The following NRDE2 variants were observed in gnomAD, a reference collection of about 807,000 sequenced individuals.
The protein encoded by NRDE2 is nuclear exosome regulator NRDE2.
Under a neutral mutation model 124.2 loss-of-function variants are expected in NRDE2, and 76 were observed. The observed-to-expected ratio is 0.61, with a 90% CI of 0.51 to 0.74. NRDE2 has a LOEUF of 0.74. Ranked by LOEUF, NRDE2 falls within the 30% of genes least tolerant of loss-of-function variation. The probability of loss-of-function intolerance (pLI) is 0.00; values close to 1 mark genes in which losing one functional copy is unlikely to be tolerated. For missense variants in NRDE2, 1,314 were observed against 1,417.3 expected (o/e 0.93, Z 1.17); for synonymous variants, 489 against 528.1 (o/e 0.93, Z 1.01).
At chr14:90,283,009 T>C (rs1337251982) in intron 12 of NRDE2, among the ~76,000 whole-genome samples, 1 of 152,222 alleles carries the variant, frequency 6.6e-6, no homozygotes, top group Non-Finnish European at 1.5e-5. Context: ...TATATGCACA[T>C]GTACACAAAA....
rs1242307586 is a variant in NRDE2, at chr14:90,327,565, A to G, written c.64+4276T>C. Reference sequence around the variant, plus strand: ...CCTCATTTCTAAAAAAAGAAAAAAAAAAAAAGCCTACCTGCAATGGATTGA... The same window carrying G: ...CCTCATTTCTAAAAAAAGAAAAAAAGAAAAAGCCTACCTGCAATGGATTGA... On this transcript the variant is annotated intron_variant, in intron 1 of 13. Coordinates refer to ENST00000354366, the MANE Select transcript of NRDE2 (RefSeq NM_017970.4). Among the ~76,000 whole-genome samples the G allele has an allele frequency of 3.9e-5, 6 of 152,222 alleles. No homozygotes were observed. The East Asian group carries it at 1.2e-3, about 29-fold the overall frequency.
chr14:90,313,761 A>T (rs1310945481), intron 3 of NRDE2, among the ~76,000 whole-genome samples: 2 of 152,204 alleles, frequency 1.3e-5, no homozygotes, highest in Non-Finnish European at 2.9e-5. Flanking sequence ...GCCCAGGTAC[A>T]AATAAAGATT....
chr14:90,313,266 A>G, intron 3 of NRDE2, among the ~76,000 whole-genome samples: 1 of 151,772 alleles, frequency 6.6e-6, no homozygotes, highest in Non-Finnish European at 1.5e-5. Flanking sequence ...AGCTGGGACT[A>G]CAGGTGCCCA....
At position 90,305,167 on chromosome 14, in the gene NRDE2, C is replaced by A. The variant is rs556793645; in HGVS notation, c.558-785G>T. Among the ~76,000 whole-genome samples the A allele has an allele frequency of 3.5e-3, 518 of 149,866 alleles. 3 individuals carry two copies. The highest frequency in any genetic ancestry group is 0.012 in the African/African-American group (505 of 40,846). On this transcript the variant is annotated intron_variant, in intron 4 of 13. Coordinates refer to ENST00000354366, the MANE Select transcript of NRDE2 (RefSeq NM_017970.4). ...GCCAATAAGCACATAAAAAAAAAAA[C>A]AACTCAACATCCTTAGTCAACAAGG...
intron 12 of NRDE2, among the ~76,000 whole-genome samples, chr14:90,283,912 C>T (rs1462070558): frequency 6.6e-6 from 1 of 152,020 alleles, no homozygotes. Flanking sequence ...GGCGTTTCAC[C>T]GTGTTAGCCA....
At chr14:90,317,401 T>C (rs1419998675) in intron 2 of NRDE2, among the ~76,000 whole-genome samples, 1 of 152,250 alleles carries the variant, frequency 6.6e-6, no homozygotes, top group Non-Finnish European at 1.5e-5. Flanking sequence ...CTCTTCTTCC[T>C]CATTACTGAA....
chr14:90,290,462 T>C lies in NRDE2; in HGVS notation c.1988A>G (p.Glu663Gly), dbSNP rs1566686605. 2 of 1,614,052 alleles carry C rather than the reference T, an allele frequency of 1.2e-6. No individual in the cohort carries two copies. Among genetic ancestry groups the C allele is most frequent in the Non-Finnish European group, 1.7e-6 (2 of 1,180,040 alleles). ...AAGTCCATTATCAAAGATGCTGTTCTCATCCATGGCCAGATAAAGACAGGA... is the reference window on the plus strand; with the variant it reads ...AAGTCCATTATCAAAGATGCTGTTCCCATCCATGGCCAGATAAAGACAGGA... ...PASCLYLAMD[E>G]NSIFDNGLYD... The change falls in exon 10 of 14, where the codon GAG becomes GGG. Residue 663 changes from glutamate (E) to glycine (G), a missense_variant. Glu to Gly is a moderately conservative substitution (Grantham distance 98). Coordinates refer to ENST00000354366, the MANE Select transcript of NRDE2 (RefSeq NM_017970.4).
At chr14:90,330,210 A>T (rs376319500) in intron 1 of NRDE2, among the ~76,000 whole-genome samples, 4 of 116,142 alleles carry the variant, frequency 3.4e-5, no homozygotes, top group Non-Finnish European at 5.7e-5. Flanking sequence ...TGGTCTCAAA[A>T]AAAAAAATAA....
At chr14:90,301,511 A>G (rs1347452896) in intron 6 of NRDE2, 139 bp from the exon 7 acceptor site, 1 of 755,796 alleles carries the variant, frequency 1.3e-6, no homozygotes, top group Non-Finnish European at 2.1e-6. Flanking sequence ...GCTGTGATAC[A>G]TGTCTTGATT....
chr14:90,312,300 GAGAGAAAC>G, intron 4 of NRDE2, 86 bp downstream of exon 4: 1 of 1,191,718 alleles, frequency 8.4e-7, no homozygotes, highest in Non-Finnish European at 1.2e-6. Flanking sequence ...ACTGATGAAA[GAGAGAAAC>G]AGGCAGGCAG....
At chr14:90,331,673 G>A (rs1438658721) in intron 1 of NRDE2, among the ~76,000 whole-genome samples, 168 bp downstream of exon 1, 1 of 152,170 alleles carries the variant, frequency 6.6e-6, no homozygotes, top group African/African-American at 2.4e-5. Context: ...AGGCCTCTGG[G>A]CCCCAGACCT....
At chr14:90,300,924 G>C (rs1487986924) in intron 7 of NRDE2, among the ~76,000 whole-genome samples, 1 of 139,016 alleles carries the variant, frequency 7.2e-6, no homozygotes, top group African/African-American at 2.7e-5. Context: ...GAAAAGGAAA[G>C]GAGGAACACA....
chr14:90,321,561 AAAAAAAAGAAAAG>A (rs971138002), intron 1 of NRDE2, among the ~76,000 whole-genome samples: 2 of 151,548 alleles, frequency 1.3e-5, no homozygotes, highest in East Asian at 1.9e-4. Flanking sequence ...AAAAAAAAAA[AAAAAAAAGAAAAG>A]AAAAAAAGAA....
rs1441989704 is a variant in NRDE2 at position 90,304,147 on chromosome 14, C to T, written c.793G>A (p.Val265Ile). 7 of 1,614,196 alleles carry T rather than the reference C, an allele frequency of 4.3e-6. No individual in the cohort carries two copies. Among genetic ancestry groups the T allele is most frequent in the Non-Finnish European group, 5.9e-6 (7 of 1,180,038 alleles). Residue 265 changes from valine to isoleucine, a missense_variant, in exon 5 of 14, where the codon GTT (valine) becomes ATT (isoleucine). Transcript: ENST00000354366. Reference sequence around the variant, plus strand: ...CCCAGAGGATTCAACCAGGTTGTAACAGGAGCCGCATCTTCCAAGTCCTTC... The same window carrying T: ...CCCAGAGGATTCAACCAGGTTGTAATAGGAGCCGCATCTTCCAAGTCCTTC... ...PVKDLEDAAPVTTWLNPLGIY... is the reference protein window; with the variant it reads ...PVKDLEDAAPITTWLNPLGIY...
chr14:90,330,538 G>A (rs987325059), intron 1 of NRDE2, among the ~76,000 whole-genome samples: 7 of 152,262 alleles, frequency 4.6e-5, no homozygotes, highest in South Asian at 2.1e-4. Flanking sequence ...TAGGACAAGC[G>A]CAGTGGCTCA....
At chr14:90,298,676 G>A (rs1011649898) in intron 7 of NRDE2, among the ~76,000 whole-genome samples, 1 of 152,126 alleles carries the variant, frequency 6.6e-6, no homozygotes, top group African/African-American at 2.4e-5. Context: ...AGTGATGGGG[G>A]GTCACTCCCG....
At chr14:90,311,134 A>T (rs1402760669) in intron 4 of NRDE2, among the ~76,000 whole-genome samples, 1 of 152,186 alleles carries the variant, frequency 6.6e-6, no homozygotes, top group African/African-American at 2.4e-5. Context: ...TTTATTTCAC[A>T]AAGTCATTAG....
Position 90,315,687 on chromosome 14 carries a change from G to A in NRDE2, c.407+891C>T, listed in dbSNP as rs373477602. Among the ~76,000 whole-genome samples the A allele has an allele frequency of 1.4e-3, 214 of 152,076 alleles. 1 individual carries two copies. Among genetic ancestry groups the A allele is most frequent in the African/African-American group, 4.7e-3 (195 of 41,388 alleles). ...GGTAGAAAGCAGAGTAGGCCACAGT[G>A]GCTCATGCCTGTAATCCCAGCACTT... is the stretch of plus-strand genomic sequence containing the variant. On this transcript the variant is annotated intron_variant, in intron 3 of 13. Coordinates refer to ENST00000354366, the MANE Select transcript of NRDE2 (RefSeq NM_017970.4).
chr14:90,270,238 A>G lies in NRDE2; in HGVS notation c.*8098T>C. ...AGATTGAGTTCCCCCTGCCTGATGA[A>G]AAGACGAAGAAGCGCATCTTTCAGA... On this transcript the variant is annotated 3_prime_UTR_variant, in exon 14 of 14. Coordinates refer to ENST00000354366, the MANE Select transcript of NRDE2 (RefSeq NM_017970.4). 1 of 1,613,638 alleles carries G rather than the reference A, an allele frequency of 6.2e-7. No individual in the cohort carries two copies.
Sources: allele counts gnomAD v4.1 joint callset (sites outside exome capture counted in the v4.1 genomes callset), GRCh38; gene constraint gnomAD v4.1.1; transcripts MANE v1.5; gene names NCBI Gene and HGNC (gene_info 2026-07-23, HGNC 2026-07-21).